The following SGCZ variants were observed in gnomAD, a reference collection of about 807,000 sequenced individuals.
SGCZ encodes the protein sarcoglycan zeta, also known as zeta-sarcoglycan.
SGCZ carries 40 observed loss-of-function variants against 41.3 expected under a neutral mutation model. The observed-to-expected ratio is 0.97, with a 90% CI of 0.75 to 1.26. SGCZ has a LOEUF of 1.26. SGCZ is among the 50% of genes most tolerant of loss of function. SGCZ has a pLI of 0.00. For missense variants in SGCZ, 552 were observed against 369.8 expected (o/e 1.49, Z -4.04); for synonymous variants, 206 against 137.5 (o/e 1.50, Z -3.49).
At chr8:14,140,270 GA>G (rs1399368231) in intron 5 of SGCZ, among the ~76,000 whole-genome samples, 1 of 152,134 alleles carries the variant, frequency 6.6e-6, no homozygotes, top group East Asian at 1.9e-4. Flanking sequence ...ACAAGACAAG[GA>G]TGCCCTTCCA....
intron 1 of SGCZ, among the ~76,000 whole-genome samples, chr8:15,037,595 T>A (rs764675419): frequency 2.0e-5 from 3 of 152,158 alleles, no homozygotes. Flanking sequence ...ACCACTTCTA[T>A]TTAACATATT....
chr8:14,511,680 G>C (rs187600763), intron 2 of SGCZ, among the ~76,000 whole-genome samples: 2 of 152,238 alleles, frequency 1.3e-5, no homozygotes, highest in East Asian at 3.9e-4. Context: ...CAGATGAAAT[G>C]TGAAAGAATT....
chr8:14,194,899 G>C (rs1805216723), intron 4 of SGCZ, among the ~76,000 whole-genome samples: 1 of 151,972 alleles, frequency 6.6e-6, no homozygotes, highest in Non-Finnish European at 1.5e-5. Flanking sequence ...GGAATGATTA[G>C]CTTTACACCT....
rs1432002858 is a variant in SGCZ at position 14,222,423 on chromosome 8, C to A, written c.424+15169G>T. ...GACCTTGTGATCCACCCACCTCCGCCTCCCAAAGTGCTAAGATTACACACG... is the reference window on the plus strand; with the variant it reads ...GACCTTGTGATCCACCCACCTCCGCATCCCAAAGTGCTAAGATTACACACG... On this transcript the variant is annotated intron_variant, in intron 4 of 7. Coordinates refer to ENST00000382080, the MANE Select transcript of SGCZ (RefSeq NM_139167.4). Among the ~76,000 whole-genome samples the A allele has an allele frequency of 2.6e-5, 4 of 152,192 alleles. No homozygotes were observed. The South Asian group carries it at 8.3e-4, about 32-fold the overall frequency.
intron 4 of SGCZ, 133 bp from the exon 5 acceptor site, chr8:14,164,835 T>A: frequency 8.8e-7 from 1 of 1,135,768 alleles, no homozygotes; most frequent in Non-Finnish European, 1.2e-6. Context: ...GCATCTGAGT[T>A]AGTATCTTTA....
intron 1 of SGCZ, among the ~76,000 whole-genome samples, chr8:14,680,963 GGAA>G (rs71709486): frequency 0.21 from 22,617 of 106,306 alleles, 2,923 homozygotes; most frequent in East Asian, 0.49. Context: ...AAAAAGAGTG[GGAA>G]AAAAAAAAAA....
chr8:14,366,112 C>T (rs1029308079), intron 2 of SGCZ, among the ~76,000 whole-genome samples: 14 of 152,140 alleles, frequency 9.2e-5, no homozygotes, highest in South Asian at 2.1e-4. Flanking sequence ...CTAGAGTCTT[C>T]GAAATCAATG....
chr8:14,231,797 G>A (rs957696896), intron 4 of SGCZ, among the ~76,000 whole-genome samples: 3 of 152,002 alleles, frequency 2.0e-5, no homozygotes, highest in Non-Finnish European at 4.4e-5. Context: ...TGAGAAAAAC[G>A]TGTTTGTTTC....
At chr8:14,877,454 G>A (rs1407345922) in intron 1 of SGCZ, among the ~76,000 whole-genome samples, 2 of 152,064 alleles carry the variant, frequency 1.3e-5, no homozygotes, top group African/African-American at 4.8e-5. Flanking sequence ...AAATCCAACT[G>A]CTTCTAAATC....
chr8:14,712,963 C>T (rs1809570828), intron 1 of SGCZ, among the ~76,000 whole-genome samples: 1 of 152,042 alleles, frequency 6.6e-6, no homozygotes, highest in Admixed American at 6.6e-5. Context: ...AAAACATGTT[C>T]TCCTCAAGAC....
chr8:14,712,137 A>C (rs1809539548), intron 1 of SGCZ, among the ~76,000 whole-genome samples: 1 of 152,176 alleles, frequency 6.6e-6, no homozygotes, highest in South Asian at 2.1e-4. Context: ...GCCAATCAGA[A>C]ACTTCCACAA....
intron 1 of SGCZ, among the ~76,000 whole-genome samples, chr8:15,200,014 T>A (rs1346278131): frequency 6.6e-6 from 1 of 152,204 alleles, no homozygotes; most frequent in East Asian, 1.9e-4. Flanking sequence ...TGGTCTATAC[T>A]TTCTTGTTTC....
intron 2 of SGCZ, among the ~76,000 whole-genome samples, chr8:14,367,808 C>T (rs1349973296): frequency 5.9e-5 from 9 of 151,970 alleles, no homozygotes; most frequent in Non-Finnish European, 7.4e-5. Flanking sequence ...AGATATGGGT[C>T]GAGACACACT....
At chr8:14,703,149 C>T (rs1469652693) in intron 1 of SGCZ, among the ~76,000 whole-genome samples, 1 of 151,962 alleles carries the variant, frequency 6.6e-6, no homozygotes, top group African/African-American at 2.4e-5. Flanking sequence ...TCACCCTATT[C>T]AGAACATTCC....
In SGCZ at chr8:14,540,221, T is replaced by TG. The variant is rs1491274784; in HGVS notation, c.234+14510_234+14511insC. Among the ~76,000 whole-genome samples, 16 of 6,840 alleles carry TG rather than the reference T, an allele frequency of 2.3e-3. No individual in the cohort carries two copies. In the African/African-American group the frequency reaches 0.027, roughly 11 times the overall value. The allele number at this position is 6,840 out of a possible 152,430, so 4.5% of individuals were successfully genotyped here. On this transcript the variant is annotated intron_variant, in intron 2 of 7. Coordinates refer to ENST00000382080, the MANE Select transcript of SGCZ (RefSeq NM_139167.4). ...AATAATGGCTATTTTCTCTGCTTAA[T>TG]TTTTTTTTTTTTTTTTTTTTTTTTT...
intron 5 of SGCZ, among the ~76,000 whole-genome samples, chr8:14,146,718 A>G (rs970215592): frequency 8.0e-5 from 12 of 150,796 alleles, no homozygotes; most frequent in Non-Finnish European, 1.6e-4. Flanking sequence ...TAAAAATACA[A>G]AAAATTAGCC....
chr8:14,385,998 C>A (rs1259987132), intron 2 of SGCZ, among the ~76,000 whole-genome samples: 1 of 152,040 alleles, frequency 6.6e-6, no homozygotes, highest in Non-Finnish European at 1.5e-5. Flanking sequence ...CTATGTAAAT[C>A]GCTGTTATAC....
intron 4 of SGCZ, among the ~76,000 whole-genome samples, chr8:14,234,518 C>G (rs575731612): frequency 7.2e-5 from 11 of 152,140 alleles, no homozygotes; most frequent in East Asian, 3.9e-4. Context: ...TCGATGCATT[C>G]TATTGGTAGA....
chr8:14,796,750 T>C (rs1801144786), intron 1 of SGCZ, among the ~76,000 whole-genome samples: 1 of 152,184 alleles, frequency 6.6e-6, no homozygotes, highest in Non-Finnish European at 1.5e-5. Flanking sequence ...AAATCTCATC[T>C]CAAATTGCAG....
Sources: allele counts gnomAD v4.1 joint callset (sites outside exome capture counted in the v4.1 genomes callset), GRCh38; gene constraint gnomAD v4.1.1; transcripts MANE v1.5; gene names NCBI Gene and HGNC (gene_info 2026-07-23, HGNC 2026-07-21).